WWOX: variants seen among roughly 807,000 people sequenced by gnomAD.
WWOX encodes the protein WW domain containing oxidoreductase, also known as WW domain-containing oxidoreductase.
WWOX carries 69 observed loss-of-function variants against 46.2 expected under a neutral mutation model. The observed-to-expected ratio is 1.49, with a 90% confidence interval of 1.23 to 1.82. The LOEUF is 1.82. Among genes scored for constraint, WWOX ranks in the 40% most tolerant of loss-of-function variants. The probability of loss-of-function intolerance (pLI) is 0.00; values close to 1 mark genes in which losing one functional copy is unlikely to be tolerated. For missense variants in WWOX, 919 were observed against 542.6 expected (o/e 1.69, Z -6.89); for synonymous variants, 359 against 202.6 (o/e 1.77, Z -6.56).
intron 8 of WWOX, chr16:78,506,695 G>GTTTTTTTTTTTTTTTTTTTTTTTT (rs1159884484): frequency 1.2e-4 from 1 of 8,640 alleles, no homozygotes; most frequent in African/African-American, 3.1e-4. Context: ...CTTTTTGTGT[G>GTTTTTTTTTTTTTTTTTTTTTTTT]TTTTTTTTTT....
intron 8 of WWOX, among the ~76,000 whole-genome samples, chr16:78,858,493 G>C (rs1251243951): frequency 2.6e-5 from 4 of 151,960 alleles, no homozygotes; most frequent in Admixed American, 6.6e-5. Flanking sequence ...TATACACATA[G>C]CTGAATGTTT....
At chr16:78,882,252 A>G (rs2044358157) in intron 8 of WWOX, among the ~76,000 whole-genome samples, 1 of 152,250 alleles carries the variant, frequency 6.6e-6, no homozygotes, top group Admixed American at 6.5e-5. Flanking sequence ...TAGTTTTCAA[A>G]GTCTTTGACA....
chr16:78,812,665 G>C (rs1351676751), intron 8 of WWOX, among the ~76,000 whole-genome samples: 1 of 152,048 alleles, frequency 6.6e-6, no homozygotes, highest in Non-Finnish European at 1.5e-5. Context: ...GGCGAAGGTT[G>C]CAGTGAGCCA....
rs1430748758 is a variant in WWOX, at chr16:79,211,560, C to G, written c.1057-48C>G. 5 of 1,612,750 alleles carry G rather than the reference C, an allele frequency of 3.1e-6. No individual in the cohort carries two copies. The South Asian group carries it at 4.4e-5, about 14-fold the overall frequency. On this transcript the variant is annotated intron_variant, in intron 8 of 8. Coordinates refer to ENST00000566780, the MANE Select transcript of WWOX (RefSeq NM_016373.4). ...GGCAGTCGAAATGACGCCATCTCAT[C>G]ACTCCTTTTCTTAAAATTTTTTTTT... is the stretch of plus-strand genomic sequence containing the variant.
chr16:78,721,784 C>T (rs1345292593), intron 8 of WWOX, among the ~76,000 whole-genome samples: 1 of 152,182 alleles, frequency 6.6e-6, no homozygotes, highest in African/African-American at 2.4e-5. Flanking sequence ...ATAGCAGGTG[C>T]TCCGAAGATA....
intron 8 of WWOX, among the ~76,000 whole-genome samples, chr16:78,901,079 T>G (rs1322281088): frequency 6.6e-6 from 1 of 152,148 alleles, no homozygotes; most frequent in Non-Finnish European, 1.5e-5. Flanking sequence ...TTTGCACACA[T>G]CTAGAAGTTC....
At chr16:79,010,297 G>C (rs1456504772) in intron 8 of WWOX, among the ~76,000 whole-genome samples, 1 of 152,214 alleles carries the variant, frequency 6.6e-6, no homozygotes. Flanking sequence ...TCACATTAGA[G>C]AGTGGCGTGT....
intron 8 of WWOX, among the ~76,000 whole-genome samples, chr16:78,461,664 G>A (rs1169290743): frequency 2.6e-5 from 4 of 152,238 alleles, no homozygotes; most frequent in South Asian, 2.1e-4. Flanking sequence ...CACAGGTCAC[G>A]CCTGAATACC....
rs2082982190 is a variant in WWOX at position 78,422,859 on chromosome 16, A to G, written c.606-2011A>G. Among the ~76,000 whole-genome samples, 3 of 133,052 alleles carry G rather than the reference A, an allele frequency of 2.3e-5. 1 individual carries two copies. Among genetic ancestry groups the G allele is most frequent in the African/African-American group, 1.1e-4 (3 of 27,304 alleles). 87.3% of individuals were successfully genotyped at this position (133,052 alleles called of 152,430 possible). A position where few individuals can be genotyped will look rare whatever the true frequency, so the allele number is the denominator to read the frequency against. Reference sequence around the variant, plus strand: ...TATATACATATACACACACACACACACACACACACACACACACACACACAC... The same window carrying G: ...TATATACATATACACACACACACACGCACACACACACACACACACACACAC... On this transcript the variant is annotated intron_variant, in intron 6 of 8. Coordinates refer to ENST00000566780, the MANE Select transcript of WWOX (RefSeq NM_016373.4).
chr16:78,940,530 C>A (rs908026666), intron 8 of WWOX, among the ~76,000 whole-genome samples: 2 of 152,154 alleles, frequency 1.3e-5, no homozygotes, highest in Non-Finnish European at 2.9e-5. Context: ...TTTCCATCGA[C>A]ATCCCGTGTT....
chr16:78,949,534 C>T (rs1174690446), intron 8 of WWOX, among the ~76,000 whole-genome samples: 2 of 152,178 alleles, frequency 1.3e-5, no homozygotes, highest in Non-Finnish European at 2.9e-5. Context: ...CATACTCAGC[C>T]TAATTATTGC....
chr16:78,749,218 C>G (rs1377829816), intron 8 of WWOX, among the ~76,000 whole-genome samples: 1 of 152,112 alleles, frequency 6.6e-6, no homozygotes, highest in Non-Finnish European at 1.5e-5. Flanking sequence ...ACACAGACTA[C>G]TGTTTAACCA....
At chr16:78,779,518 G>A (rs1037254186) in intron 8 of WWOX, among the ~76,000 whole-genome samples, 2 of 152,148 alleles carry the variant, frequency 1.3e-5, no homozygotes, top group Non-Finnish European at 2.9e-5. Flanking sequence ...GACATTATTA[G>A]TTGCTCACTC....
chr16:78,517,746 T>G (rs1191569496), intron 8 of WWOX, among the ~76,000 whole-genome samples: 1 of 152,074 alleles, frequency 6.6e-6, no homozygotes, highest in Non-Finnish European at 1.5e-5. Flanking sequence ...ACATGTCACG[T>G]TATGGAGCTG....
At chr16:78,790,253 G>A (rs1183323688) in intron 8 of WWOX, among the ~76,000 whole-genome samples, 1 of 152,080 alleles carries the variant, frequency 6.6e-6, no homozygotes, top group African/African-American at 2.4e-5. Context: ...TCCTGCCTCA[G>A]CCTCCCTAGT....
At chr16:78,104,605 T>C (rs1449076447) in intron 1 of WWOX, among the ~76,000 whole-genome samples, 1 of 152,208 alleles carries the variant, frequency 6.6e-6, no homozygotes, top group Non-Finnish European at 1.5e-5. Flanking sequence ...TAGATTACTC[T>C]TAATTATCTT....
At chr16:78,858,220 G>A (rs1414775478) in intron 8 of WWOX, among the ~76,000 whole-genome samples, 2 of 147,720 alleles carry the variant, frequency 1.4e-5, no homozygotes, top group Non-Finnish European at 3.0e-5. Context: ...CGTTTTAGGG[G>A]TAAAGTGGTT....
chr16:78,621,606 T>A (rs1241980496), intron 8 of WWOX, among the ~76,000 whole-genome samples: 1 of 109,160 alleles, frequency 9.2e-6, no homozygotes, highest in African/African-American at 3.6e-5. Context: ...TTTTTTTTTT[T>A]TTTTTTTTTT....
chr16:79,026,012 G>T (rs1369428152), intron 8 of WWOX, among the ~76,000 whole-genome samples: 1 of 151,326 alleles, frequency 6.6e-6, no homozygotes, highest in Non-Finnish European at 1.5e-5. Flanking sequence ...TGTTGTGCAG[G>T]CTGGTCTCAA....
Sources: allele counts gnomAD v4.1 joint callset (sites outside exome capture counted in the v4.1 genomes callset), GRCh38; gene constraint gnomAD v4.1.1; transcripts MANE v1.5; gene names NCBI Gene and HGNC (gene_info 2026-07-23, HGNC 2026-07-21).